Variants in PIBF1 observed in about 807,000 individuals in gnomAD.
PIBF1 encodes the protein progesterone-induced-blocking factor 1.
Under a neutral mutation model 112.5 loss-of-function variants are expected in PIBF1, and 90 were observed. That is an observed-to-expected ratio of 0.80 (90% confidence interval 0.67 to 0.95). The LOEUF is 0.95. Among genes scored for constraint, PIBF1 ranks in the 40% least tolerant of loss-of-function variants. PIBF1 has a pLI of 0.00. For synonymous variants in PIBF1, 301 were observed against 288.6 expected, an observed-to-expected ratio of 1.04 and a Z score of -0.44; for missense variants, 915 against 852.3, an observed-to-expected ratio of 1.07 and a Z score of -0.92.
chr13:72,813,361 G>T (rs2036110985), intron 5 of PIBF1, among the ~76,000 whole-genome samples: 1 of 152,176 alleles, frequency 6.6e-6, no homozygotes, highest in Admixed American at 6.5e-5. Flanking sequence ...GGATCTGAGT[G>T]GAAGTCTTGA....
At chr13:72,799,588 A>G (rs915394172) in intron 5 of PIBF1, among the ~76,000 whole-genome samples, 4 of 152,248 alleles carry the variant, frequency 2.6e-5, no homozygotes, top group Non-Finnish European at 5.9e-5. Flanking sequence ...ATTCAACTGT[A>G]GTCAAAATAG....
At chr13:72,801,636 C>G (rs2035479951) in intron 5 of PIBF1, among the ~76,000 whole-genome samples, 1 of 145,816 alleles carries the variant, frequency 6.9e-6, no homozygotes, top group South Asian at 2.1e-4. Flanking sequence ...CCTGGCTATT[C>G]TGGTAAACTC....
chr13:72,826,179 T>C (rs1439510266), intron 6 of PIBF1, among the ~76,000 whole-genome samples: 2 of 152,074 alleles, frequency 1.3e-5, no homozygotes, highest in African/African-American at 2.4e-5. Flanking sequence ...TATAGTAATA[T>C]GTATCAGAAT....
chr13:72,987,298 G>A, intron 16 of PIBF1, among the ~76,000 whole-genome samples: 1 of 143,882 alleles, frequency 7.0e-6, no homozygotes, highest in South Asian at 2.2e-4. Context: ...ATCCTGTTTT[G>A]TTGTTCTACT....
chr13:72,943,761 GAC>G (rs2042074201), intron 14 of PIBF1, among the ~76,000 whole-genome samples: 1 of 152,112 alleles, frequency 6.6e-6, no homozygotes, highest in Non-Finnish European at 1.5e-5. Flanking sequence ...CTTAAGTGTT[GAC>G]ATGCCCCAGG....
At chr13:72,825,988 G>A (rs958787039) in intron 6 of PIBF1, among the ~76,000 whole-genome samples, 1 of 149,694 alleles carries the variant, frequency 6.7e-6, no homozygotes, top group African/African-American at 2.5e-5. Flanking sequence ...AGGATCACTT[G>A]AGTGCAGTAG....
At chr13:72,888,613 A>T (rs1042578258) in intron 10 of PIBF1, among the ~76,000 whole-genome samples, 1 of 152,154 alleles carries the variant, frequency 6.6e-6, no homozygotes, top group African/African-American at 2.4e-5. Context: ...TCCGTTTAGA[A>T]TTAAATAAAT....
At chr13:72,885,163 C>G (rs879553256) in intron 10 of PIBF1, among the ~76,000 whole-genome samples, 26 of 152,020 alleles carry the variant, frequency 1.7e-4, no homozygotes, top group Admixed American at 5.9e-4. Context: ...TGTCATGTCT[C>G]CTTCTACCAC....
At chr13:72,988,255 A>G (rs1460587340) in intron 16 of PIBF1, among the ~76,000 whole-genome samples, 1 of 152,070 alleles carries the variant, frequency 6.6e-6, no homozygotes, top group Non-Finnish European at 1.5e-5. Context: ...ATTATGTAAG[A>G]TACTCAGCAC....
At chr13:72,858,705 T>C (rs1160153036) in intron 10 of PIBF1, among the ~76,000 whole-genome samples, 1 of 152,200 alleles carries the variant, frequency 6.6e-6, no homozygotes, top group African/African-American at 2.4e-5. Context: ...TGTGTTTTTT[T>C]CTTTTTTGTG....
intron 13 of PIBF1, among the ~76,000 whole-genome samples, chr13:72,929,760 A>G (rs921609144): frequency 2.0e-5 from 3 of 152,164 alleles, no homozygotes; most frequent in Admixed American, 2.0e-4. Flanking sequence ...GATCTAAACA[A>G]GCAACTCAAA....
intron 10 of PIBF1, among the ~76,000 whole-genome samples, chr13:72,880,027 T>C (rs1173276260): frequency 6.6e-6 from 1 of 152,210 alleles, no homozygotes; most frequent in Admixed American, 6.5e-5. Context: ...ATGCCAGCTT[T>C]CAGCAGCATC....
intron 14 of PIBF1, among the ~76,000 whole-genome samples, chr13:72,948,204 TCC>T (rs954640162): frequency 2.0e-5 from 3 of 151,398 alleles, no homozygotes; most frequent in African/African-American, 7.3e-5. Flanking sequence ...TGCACATGTA[TCC>T]CAAAACTGAA....
At chr13:72,801,644 C>T (rs1230466328) in intron 5 of PIBF1, among the ~76,000 whole-genome samples, 1 of 152,188 alleles carries the variant, frequency 6.6e-6, no homozygotes, top group African/African-American at 2.4e-5. Context: ...TTCTGGTAAA[C>T]TCAAGTGTTT....
chr13:72,996,085 A>AAAGGG (rs2043649207), intron 16 of PIBF1, among the ~76,000 whole-genome samples: 1 of 36,608 alleles, frequency 2.7e-5, no homozygotes, highest in East Asian at 1.3e-3. Context: ...AAAAAAAAAA[A>AAAGGG]GCGGGGGGGG....
At chr13:72,851,103 CA>C (rs1320696380) in intron 9 of PIBF1, among the ~76,000 whole-genome samples, 1 of 152,150 alleles carries the variant, frequency 6.6e-6, no homozygotes, top group Admixed American at 6.6e-5. Context: ...GTAAAGATGC[CA>C]GCTGCAGTGG....
intron 14 of PIBF1, among the ~76,000 whole-genome samples, chr13:72,951,078 T>C (rs1335161633): frequency 6.6e-6 from 1 of 152,238 alleles, no homozygotes; most frequent in African/African-American, 2.4e-5. Context: ...GGAAGAATGG[T>C]TGTGAAGCAT....
intron 1 of PIBF1, among the ~76,000 whole-genome samples, chr13:72,782,752 A>G (rs963349173): frequency 5.9e-5 from 9 of 152,168 alleles, no homozygotes; most frequent in Admixed American, 5.2e-4. Context: ...TCTGCTATCT[A>G]TAAAAAATGT....
At chr13:72,953,951 T>C (rs962205926) in intron 14 of PIBF1, among the ~76,000 whole-genome samples, 1 of 152,074 alleles carries the variant, frequency 6.6e-6, no homozygotes, top group African/African-American at 2.4e-5. Context: ...GCTCATAAAG[T>C]GGCAAAGCCT....
Sources: gnomAD v4.1 joint callset for allele counts (sites outside exome capture counted in the v4.1 genomes callset) on GRCh38, gnomAD v4.1.1 for gene constraint, MANE v1.5 for transcripts, NCBI Gene and HGNC (gene_info 2026-07-23, HGNC 2026-07-21) for gene names.